WASHC4: variants seen among roughly 807,000 people sequenced by gnomAD.
WASHC4 encodes WASH complex subunit 7.
Under a neutral mutation model 166.6 loss-of-function variants are expected in WASHC4, and 86 were observed. That is an observed-to-expected ratio of 0.52 (90% CI 0.43 to 0.62). The LOEUF is 0.62. WASHC4 is among the 20% of genes least tolerant of loss of function. WASHC4 has a pLI of 0.00. For missense variants in WASHC4, 1,262 were observed against 1,382.4 expected, an observed-to-expected ratio of 0.91 and a Z score of 1.38; for synonymous variants, 446 against 451.6, an observed-to-expected ratio of 0.99 and a Z score of 0.16.
In WASHC4 at chr12:105,168,342, GGATA is replaced by G. The variant is rs1301983090; in HGVS notation, c.*1415_*1418del. The G allele has an allele frequency of 6.6e-6, 1 of 152,392 alleles. No homozygotes were observed. Among genetic ancestry groups the G allele is most frequent in the South Asian group, 2.1e-4 (1 of 4,830 alleles). The allele number at this position is 152,392 out of a possible 1,614,324, so 9.4% of individuals were successfully genotyped here. ...CATGGCTTACAGAATTATGAACAGT[GGATA>G]GATTAAAGGCATTTAATATTTGTAA... On this transcript the variant is annotated 3_prime_UTR_variant, in exon 33 of 33. Coordinates refer to ENST00000332180, the MANE Select transcript of WASHC4 (RefSeq NM_015275.3).
rs1187057746 is a variant in WASHC4, at chr12:105,148,033, A to G, written c.2514+887A>G. 3 of 985,154 alleles carry G rather than the reference A, an allele frequency of 3.0e-6. No individual in the cohort carries two copies. The African/African-American group carries it at 5.2e-5, about 17-fold the overall frequency. 61.0% of individuals were successfully genotyped at this position (985,154 alleles called of 1,614,324 possible). A position where few individuals can be genotyped will look rare whatever the true frequency, so the allele number is the denominator to read the frequency against. On this transcript the variant is annotated intron_variant, in intron 24 of 32. Transcript: ENST00000332180. ...TTTACCTGGTTTTCAGAGCACAGTTAATTTCTCCTTTAGGGGAGAAGACTG... is the reference window on the plus strand; with the variant it reads ...TTTACCTGGTTTTCAGAGCACAGTTGATTTCTCCTTTAGGGGAGAAGACTG...
intron 7 of WASHC4, among the ~76,000 whole-genome samples, chr12:105,118,888 A>G (rs1880453867): frequency 1.3e-5 from 2 of 152,328 alleles, no homozygotes; most frequent in Admixed American, 6.5e-5. Flanking sequence ...TTCTTAGACT[A>G]CAGAATCTTG....
At chr12:105,148,347 A>G in intron 24 of WASHC4, 3 of 985,296 alleles carry the variant, frequency 3.0e-6, no homozygotes, top group Middle Eastern at 5.2e-4. Flanking sequence ...TCTATCATCT[A>G]TCAAATATTC....
intron 28 of WASHC4, among the ~76,000 whole-genome samples, chr12:105,159,162 T>C (rs781676774): frequency 1.3e-5 from 2 of 152,214 alleles, no homozygotes; most frequent in Non-Finnish European, 2.9e-5. Context: ...CTTTACCTTA[T>C]GTTAAATGAT....
rs1884882001 is a variant in WASHC4, at chr12:105,167,711, G to A, written c.*780G>A. The A allele has an allele frequency of 6.6e-6, 1 of 152,492 alleles. No homozygotes were observed. The highest frequency in any genetic ancestry group is 6.6e-5 in the Admixed American group (1 of 15,260). 9.4% of individuals were successfully genotyped at this position (152,492 alleles called of 1,614,324 possible). A position where few individuals can be genotyped will look rare whatever the true frequency, so the allele number is the denominator to read the frequency against. On this transcript the variant is annotated 3_prime_UTR_variant, in exon 33 of 33. Transcript: ENST00000332180. ...GATGTATGATGTCAGAAAAAAAATTGAATGAATTATTTCTACATCCAAACT... is the reference window on the plus strand; with the variant it reads ...GATGTATGATGTCAGAAAAAAAATTAAATGAATTATTTCTACATCCAAACT...
At chr12:105,123,773 G>A (rs1881011126) in intron 10 of WASHC4, among the ~76,000 whole-genome samples, 1 of 152,214 alleles carries the variant, frequency 6.6e-6, no homozygotes, top group African/African-American at 2.4e-5. Flanking sequence ...ATTTTTCAGT[G>A]TAGATGTAAC....
chr12:105,167,712 A>G lies in WASHC4; in HGVS notation c.*781A>G, dbSNP rs1327639858. On this transcript the variant is annotated 3_prime_UTR_variant, in exon 33 of 33. Coordinates refer to ENST00000332180, the MANE Select transcript of WASHC4 (RefSeq NM_015275.3). ...ATGTATGATGTCAGAAAAAAAATTG[A>G]ATGAATTATTTCTACATCCAAACTC... 1 of 152,572 alleles carries G rather than the reference A, an allele frequency of 6.6e-6. No individual in the cohort carries two copies. Among genetic ancestry groups the G allele is most frequent in the East Asian group, 1.9e-4 (1 of 5,204 alleles). The allele number at this position is 152,572 out of a possible 1,614,324, so 9.5% of individuals were successfully genotyped here.
intron 15 of WASHC4, 73 bp from the exon 16 acceptor site, chr12:105,140,221 C>G: frequency 9.4e-7 from 1 of 1,068,146 alleles, no homozygotes; most frequent in Non-Finnish European, 1.5e-6. Context: ...AGCCTAAGGT[C>G]GTAAAGATCT....
At chr12:105,124,058 CT>C (rs980159568) in intron 10 of WASHC4, among the ~76,000 whole-genome samples, 4 of 150,736 alleles carry the variant, frequency 2.7e-5, no homozygotes, top group Non-Finnish European at 5.9e-5. Flanking sequence ...AATTAATATA[CT>C]TTTTTTTAGA....
At chr12:105,128,587 A>G (rs550134419) in intron 13 of WASHC4, among the ~76,000 whole-genome samples, 3 of 152,300 alleles carry the variant, frequency 2.0e-5, no homozygotes, top group East Asian at 3.9e-4. Flanking sequence ...TTTGAGTGCC[A>G]TCGTAATGCC....
intron 7 of WASHC4, among the ~76,000 whole-genome samples, chr12:105,120,029 C>T (rs911416637): frequency 6.6e-6 from 1 of 151,942 alleles, no homozygotes; most frequent in Admixed American, 6.6e-5. Flanking sequence ...CCCAGGAGTT[C>T]GAGACCTGCC....
chr12:105,135,727 T>C (rs1040475405), intron 14 of WASHC4, among the ~76,000 whole-genome samples: 1 of 152,180 alleles, frequency 6.6e-6, no homozygotes, highest in South Asian at 2.1e-4. Flanking sequence ...ATTTTAATAA[T>C]TTTACTTTTT....
intron 13 of WASHC4, among the ~76,000 whole-genome samples, chr12:105,131,594 TC>T (rs1881827233): frequency 6.6e-6 from 1 of 152,204 alleles, no homozygotes; most frequent in Non-Finnish European, 1.5e-5. Flanking sequence ...AGCCTAGGTC[TC>T]TTTCTGTGGT....
intron 18 of WASHC4, among the ~76,000 whole-genome samples, chr12:105,141,519 T>C (rs906570088): frequency 2.0e-5 from 3 of 152,188 alleles, no homozygotes; most frequent in African/African-American, 7.2e-5. Context: ...CATATCGTGA[T>C]TATTATGTTG....
intron 28 of WASHC4, 97 bp downstream of exon 28, chr12:105,157,419 A>G: frequency 1.5e-6 from 1 of 677,638 alleles, no homozygotes. Flanking sequence ...CACTGTTTTT[A>G]TTATACAAAA....
intron 25 of WASHC4, among the ~76,000 whole-genome samples, chr12:105,152,030 A>T (rs910358857): frequency 6.6e-6 from 1 of 152,150 alleles, no homozygotes; most frequent in Non-Finnish European, 1.5e-5. Context: ...TTGGTCACAC[A>T]TCTGTGAACA....
intron 15 of WASHC4, among the ~76,000 whole-genome samples, chr12:105,139,698 G>A (rs998885107): frequency 6.6e-6 from 1 of 150,934 alleles, no homozygotes; most frequent in African/African-American, 2.4e-5. Context: ...TTATTGGATT[G>A]TGTGCCTTTA....
At chr12:105,157,762 A>G (rs1046474030) in intron 28 of WASHC4, among the ~76,000 whole-genome samples, 1 of 152,178 alleles carries the variant, frequency 6.6e-6, no homozygotes, top group Non-Finnish European at 1.5e-5. Context: ...TGTAGCCACT[A>G]CCATATATGG....
At chr12:105,114,577 A>G (rs1464054975) in intron 4 of WASHC4, 150 bp downstream of exon 4, 3 of 650,582 alleles carry the variant, frequency 4.6e-6, no homozygotes, top group Non-Finnish European at 8.1e-6. Flanking sequence ...CCATTCATTG[A>G]GTACTTAGTA....
Sources: gnomAD v4.1 joint callset for allele counts (sites outside exome capture counted in the v4.1 genomes callset) on GRCh38, gnomAD v4.1.1 for gene constraint, MANE v1.5 for transcripts, NCBI Gene and HGNC (gene_info 2026-07-23, HGNC 2026-07-21) for gene names.